ZWILCH: variants seen among roughly 807,000 people sequenced by gnomAD.
ZWILCH encodes the protein zwilch kinetochore protein.
A neutral mutation model predicts 79.9 loss-of-function variants in ZWILCH; 74 were observed. The ratio of observed to expected loss-of-function variants is 0.93; its 90% CI spans 0.77 to 1.12. ZWILCH has a LOEUF of 1.12. ZWILCH is among the 50% of genes most tolerant of loss of function. The probability of loss-of-function intolerance (pLI) is 0.00; values close to 1 mark genes in which losing one functional copy is unlikely to be tolerated. For synonymous variants in ZWILCH, 241 were observed against 228.2 expected (o/e 1.06, Z -0.51); for missense variants, 694 against 687.5 (o/e 1.01, Z -0.11).
chr15:66,505,343 G>A lies in ZWILCH; in HGVS notation c.5G>A (p.Trp2Ter). 1 of 1,613,948 alleles carries A rather than the reference G, an allele frequency of 6.2e-7. No homozygotes were observed. Among genetic ancestry groups the A allele is most frequent in the Admixed American group, 1.7e-5 (1 of 60,024 alleles). The stretch of plus-strand genomic sequence containing the variant: ...CCGCTCTCACATTGGGGCGGGATGT[G>A]GGAGCGGCTGAACTGCGCAGCAGAG... M[W>*]ERLNCAAEDF... The change falls in exon 1 of 19, where the codon TGG (tryptophan) becomes TAG (stop). Residue 2 changes from tryptophan (W) to a stop codon, truncating the protein, a stop_gained. Transcript: ENST00000307897. LOFTEE classifies it high-confidence loss of function.
intron 4 of ZWILCH, among the ~76,000 whole-genome samples, chr15:66,517,845 G>A (rs1468067723): frequency 7.2e-6 from 1 of 138,970 alleles, no homozygotes; most frequent in East Asian, 2.3e-4. Context: ...CGATTCTCCT[G>A]CCTCAGCCTC....
chr15:66,505,807 T>G (rs1267206245), intron 1 of ZWILCH: 4 of 216,812 alleles, frequency 1.8e-5, no homozygotes, highest in Non-Finnish European at 3.7e-5. Context: ...AGTTGCCACA[T>G]CAGCTACAAT....
At chr15:66,544,257 C>T (rs1445762054) in intron 17 of ZWILCH, among the ~76,000 whole-genome samples, 1 of 139,102 alleles carries the variant, frequency 7.2e-6, no homozygotes, top group Non-Finnish European at 1.6e-5. Flanking sequence ...AACTCCATCT[C>T]AAAAAAAAAA....
intron 2 of ZWILCH, among the ~76,000 whole-genome samples, chr15:66,509,691 GA>G (rs1215642169): frequency 2.0e-5 from 3 of 150,626 alleles, no homozygotes; most frequent in Admixed American, 2.0e-4. Context: ...CATACTTGGG[GA>G]GATAAAACCT....
chr15:66,528,885 T>A lies in ZWILCH; in HGVS notation c.1003T>A (p.Ser335Thr). The change falls in exon 11 of 19, where the codon TCC becomes ACC. Residue 335 changes from serine (S) to threonine (T), a missense_variant. Physicochemically the swap from Ser to Thr is moderately conservative, Grantham distance 58. Transcript: ENST00000307897. ...GCATGACACTGCTGCAGTCGATCGTTCCGTCAAGCGTCTTTTCAAAGTTCG... is the reference window on the plus strand; with the variant it reads ...GCATGACACTGCTGCAGTCGATCGTACCGTCAAGCGTCTTTTCAAAGTTCG... ...LKHDTAAVDR[S>T]VKRLFKVRSD... 1 of 1,614,174 alleles carries A rather than the reference T, an allele frequency of 6.2e-7. No homozygotes were observed.
chr15:66,516,095 G>T (rs1325109767), intron 4 of ZWILCH, among the ~76,000 whole-genome samples: 1 of 152,212 alleles, frequency 6.6e-6, no homozygotes, highest in African/African-American at 2.4e-5. Context: ...TACCCAGAGG[G>T]AATTGGAAAT....
rs1895461622 is a variant in ZWILCH, at chr15:66,548,411, G to C, written c.*87G>C. On this transcript the variant is annotated 3_prime_UTR_variant, in exon 19 of 19. Transcript: ENST00000307897. ...TATTGTAGAACCTGAAAACAGCAAT[G>C]TATGGAAACCCTCAAAGCAGAAAAG... 6.1e-6 allele frequency: 4 copies of C among 653,492 alleles called. No homozygotes were observed. Among genetic ancestry groups the C allele is most frequent in the Non-Finnish European group, 1.1e-5 (4 of 379,378 alleles). 40.5% of individuals were successfully genotyped at this position (653,492 alleles called of 1,614,324 possible).
intron 2 of ZWILCH, 188 bp from the exon 3 acceptor site, chr15:66,513,800 T>C (rs111869602): frequency 3.0e-4 from 100 of 334,602 alleles, no homozygotes; most frequent in African/African-American, 1.9e-3. Flanking sequence ...CTCAATCTCC[T>C]GACCTCGTGA....
intron 8 of ZWILCH, among the ~76,000 whole-genome samples, chr15:66,525,057 T>C (rs1349162622): frequency 6.6e-6 from 1 of 152,126 alleles, no homozygotes; most frequent in Non-Finnish European, 1.5e-5. Flanking sequence ...GCTTCAAGAG[T>C]CAGTATGTCA....
At chr15:66,546,465 A>G in intron 17 of ZWILCH, 126 bp from the exon 18 acceptor site, 1 of 440,648 alleles carries the variant, frequency 2.3e-6, no homozygotes, top group Non-Finnish European at 4.0e-6. Context: ...GAATTCTCTT[A>G]AAGTAGAAGA....
chr15:66,533,233 A>G (rs1315857539), intron 14 of ZWILCH, among the ~76,000 whole-genome samples: 1 of 152,208 alleles, frequency 6.6e-6, no homozygotes, highest in South Asian at 2.1e-4. Flanking sequence ...ATACTTATAT[A>G]TAGTTATATC....
At chr15:66,535,858 A>C in intron 14 of ZWILCH, 75 bp from the exon 15 acceptor site, 1 of 1,306,758 alleles carries the variant, frequency 7.7e-7, no homozygotes, top group Non-Finnish European at 1.0e-6. Context: ...TAGGTGTAGA[A>C]GGCATACCTA....
intron 17 of ZWILCH, among the ~76,000 whole-genome samples, chr15:66,542,161 G>A (rs1356416720): frequency 1.3e-5 from 2 of 152,152 alleles, no homozygotes; most frequent in Admixed American, 1.3e-4. Context: ...AAAGAAATTT[G>A]TAGCCCAGGC....
intron 17 of ZWILCH, among the ~76,000 whole-genome samples, chr15:66,544,405 C>T (rs1419577590): frequency 6.6e-6 from 1 of 152,084 alleles, no homozygotes; most frequent in Admixed American, 6.5e-5. Context: ...GATCTTGCCT[C>T]ACTGCAGACT....
Position 66,520,600 on chromosome 15 carries a change from T to G in ZWILCH, c.531T>G (p.Asn177Lys). 1 of 1,497,594 alleles carries G rather than the reference T, an allele frequency of 6.7e-7. No individual in the cohort carries two copies. The highest frequency in any genetic ancestry group is 9.2e-7 in the Non-Finnish European group (1 of 1,081,864). 92.8% of individuals were successfully genotyped at this position (1,497,594 alleles called of 1,614,324 possible). Reference protein sequence around the residue: ...LYVVSCKADKNYSVNLENLKN... With the variant: ...LYVVSCKADKKYSVNLENLKN... Reference sequence around the variant, plus strand: ...TTTCATTTCCTATAGCTGATAAAAATTATTCTGTAAATCTTGAAAACCTAA... The same window carrying G: ...TTTCATTTCCTATAGCTGATAAAAAGTATTCTGTAAATCTTGAAAACCTAA... Residue 177 changes from asparagine to lysine, a missense_variant, in exon 6 of 19, where the codon AAT (asparagine) becomes AAG (lysine). Coordinates refer to ENST00000307897, the MANE Select transcript of ZWILCH (RefSeq NM_017975.5).
chr15:66,505,335 C>G lies in ZWILCH; in HGVS notation c.-4C>G. ...TTCCGGTACCGCTCTCACATTGGGG[C>G]GGGATGTGGGAGCGGCTGAACTGCG... On this transcript the variant is annotated 5_prime_UTR_variant, in exon 1 of 19. Coordinates refer to ENST00000307897, the MANE Select transcript of ZWILCH (RefSeq NM_017975.5). 5 of 1,613,666 alleles carry G rather than the reference C, an allele frequency of 3.1e-6. No individual in the cohort carries two copies. Among genetic ancestry groups the G allele is most frequent in the South Asian group, 1.1e-5 (1 of 91,044 alleles).
chr15:66,518,494 A>T (rs899165958), intron 4 of ZWILCH, among the ~76,000 whole-genome samples: 1 of 152,054 alleles, frequency 6.6e-6, no homozygotes, highest in East Asian at 1.9e-4. Context: ...GTTAGCCAGG[A>T]TGGAAGACCC....
intron 10 of ZWILCH, 99 bp downstream of exon 10, chr15:66,528,011 G>T (rs1339838097): frequency 1.1e-6 from 1 of 943,988 alleles, no homozygotes; most frequent in Non-Finnish European, 1.5e-6. Flanking sequence ...ATGGATTTGG[G>T]ATATCAAGGC....
At chr15:66,546,095 G>A (rs760513121) in intron 17 of ZWILCH, among the ~76,000 whole-genome samples, 2 of 152,166 alleles carry the variant, frequency 1.3e-5, no homozygotes, top group Non-Finnish European at 2.9e-5. Context: ...TGTTGATAAT[G>A]ATGAAAATAT....
Sources: allele counts gnomAD v4.1 joint callset (sites outside exome capture counted in the v4.1 genomes callset), GRCh38; gene constraint gnomAD v4.1.1; transcripts MANE v1.5; gene names NCBI Gene and HGNC (gene_info 2026-07-23, HGNC 2026-07-21).